Variants in SPTY2D1 observed in about 807,000 individuals in gnomAD.
SPTY2D1 encodes the protein SPT2 chromatin protein domain containing 1, also known as protein SPT2 homolog.
In SPTY2D1, 21 loss-of-function variants were observed where a neutral mutation model predicts 64.0. The ratio of observed to expected loss-of-function variants is 0.33; its 90% confidence interval spans 0.23 to 0.47. The LOEUF (loss-of-function observed/expected upper bound fraction) is 0.47, where lower values mean the gene tolerates loss of function less well. Among genes scored for constraint, SPTY2D1 ranks in the 20% least tolerant of loss-of-function variants. The probability of loss-of-function intolerance (pLI) is 1.00; values close to 1 mark genes in which losing one functional copy is unlikely to be tolerated. For synonymous variants in SPTY2D1, 287 were observed against 286.8 expected, an observed-to-expected ratio of 1.00 and a Z score of -0.01; for missense variants, 724 against 837.2, an observed-to-expected ratio of 0.86 and a Z score of 1.67.
rs71050616 is a variant in SPTY2D1, at chr11:18,617,625, CAAAAAAA to C, written c.61-643_61-637del. ...CGGGCGACAAAGTAAGACTCCGTCT[CAAAAAAA>C]AAAAAAAAAAAAAAAAAATCTGATT... On this transcript the variant is annotated intron_variant, in intron 1 of 5. Transcript: ENST00000336349. Among the ~76,000 whole-genome samples, 9 of 66,356 alleles carry C rather than the reference CAAAAAAA, an allele frequency of 1.4e-4. No individual in the cohort carries two copies. In the East Asian group the frequency reaches 3.0e-3, roughly 22 times the overall value. The allele number at this position is 66,356 out of a possible 152,430, so 43.5% of individuals were successfully genotyped here. A position where few individuals can be genotyped will look rare whatever the true frequency, so the allele number is the denominator to read the frequency against.
In SPTY2D1 at chr11:18,609,708, T is replaced by C. The variant is rs568133173; in HGVS notation, c.*153A>G. 12 of 645,968 alleles carry C rather than the reference T, an allele frequency of 1.9e-5. No homozygotes were observed. In the South Asian group the frequency reaches 2.1e-4, roughly 11 times the overall value. The allele number at this position is 645,968 out of a possible 1,614,324, so 40.0% of individuals were successfully genotyped here. ...CTGGAAAATATCTGAAAATATTTTA[T>C]GCTCAAATGACAGCCTGCAAATGAC... On this transcript the variant is annotated 3_prime_UTR_variant, in exon 6 of 6. Coordinates refer to ENST00000336349, the MANE Select transcript of SPTY2D1 (RefSeq NM_194285.3).
chr11:18,612,136 G>A lies in SPTY2D1; in HGVS notation c.1886+178C>T, dbSNP rs1854216211. The stretch of plus-strand genomic sequence containing the variant: ...TGCAAATAACTACAGAAACTATTTT[G>A]AATTAAATATAAAATATTTAGTGCT... On this transcript the variant is annotated intron_variant, in intron 4 of 5. Coordinates refer to ENST00000336349, the MANE Select transcript of SPTY2D1 (RefSeq NM_194285.3). The surrounding 1 kb of genome is among the most constrained non-coding windows in gnomAD (Gnocchi z 4.6). The A allele has an allele frequency of 2.1e-5, 9 of 430,072 alleles. No individual in the cohort carries two copies. The highest frequency in any genetic ancestry group is 3.2e-5 in the Non-Finnish European group (8 of 250,130). 26.6% of individuals were successfully genotyped at this position (430,072 alleles called of 1,614,324 possible).
At chr11:18,625,479 G>A (rs117795947) in intron 1 of SPTY2D1, among the ~76,000 whole-genome samples, 176 of 152,154 alleles carry the variant, frequency 1.2e-3, no homozygotes, top group Non-Finnish European at 2.2e-3. Flanking sequence ...GCAATCACAC[G>A]GTTTATAGCA....
At chr11:18,621,460 GAAT>G in intron 1 of SPTY2D1, among the ~76,000 whole-genome samples, 1 of 152,208 alleles carries the variant, frequency 6.6e-6, no homozygotes. Context: ...GCTTTGAAAA[GAAT>G]AACAAAGGCT....
chr11:18,615,260 C>T lies in SPTY2D1; in HGVS notation c.1014G>A (p.Glu338=). ...GGGACAGAGATTTTTTGGCTTTGTG[C>T]TCAACAGCAGATTTCTGAGTCCTGC... ...SASRTQKSAV[E]HKAKKSLSHP... is the part of the protein sequence containing the mutation. The change falls in exon 3 of 6, where the codon GAG becomes GAA. Residue 338 remains glutamate, a synonymous_variant. Coordinates refer to ENST00000336349, the MANE Select transcript of SPTY2D1 (RefSeq NM_194285.3). 1 of 1,614,184 alleles carries T rather than the reference C, an allele frequency of 6.2e-7. No individual in the cohort carries two copies. Among genetic ancestry groups the T allele is most frequent in the East Asian group, 2.2e-5 (1 of 44,884 alleles).
At chr11:18,616,760 C>T in intron 2 of SPTY2D1, 115 bp downstream of exon 2, 3 of 868,908 alleles carry the variant, frequency 3.5e-6, no homozygotes, top group Middle Eastern at 2.7e-4. Context: ...CACACACACA[C>T]ACCCTCCCAA....
At chr11:18,627,527 G>A (rs2134117673) in intron 1 of SPTY2D1, among the ~76,000 whole-genome samples, 1 of 152,142 alleles carries the variant, frequency 6.6e-6, no homozygotes. Context: ...TGGATCACTT[G>A]AGGTCAGGAG....
Position 18,634,234 on chromosome 11 carries a change from C to T in SPTY2D1, c.24G>A (p.Met8Ile), listed in dbSNP as rs1330080986. Residue 8 changes from methionine to isoleucine, a missense_variant, in exon 1 of 6, where the codon ATG becomes ATA. Coordinates refer to ENST00000336349, the MANE Select transcript of SPTY2D1 (RefSeq NM_194285.3). ...TGACACCTTGTCCCTTGGAAGCTATCATGAGAATTTCTCTGAAGTCCATGT... is the reference window on the plus strand; with the variant it reads ...TGACACCTTGTCCCTTGGAAGCTATTATGAGAATTTCTCTGAAGTCCATGT... MDFREIL[M>I]IASKGQGVNN... 1.2e-6 allele frequency: 2 copies of T among 1,614,100 alleles called. No individual in the cohort carries two copies. The highest frequency in any genetic ancestry group is 1.7e-6 in the Non-Finnish European group (2 of 1,180,054).
intron 2 of SPTY2D1, 74 bp downstream of exon 2, chr11:18,616,801 G>T: frequency 7.1e-7 from 1 of 1,410,970 alleles, no homozygotes; most frequent in Non-Finnish European, 9.9e-7. Flanking sequence ...TTTATAGACA[G>T]CCACTGGTTT....
Position 18,616,717 on chromosome 11 carries a change from C to T in SPTY2D1, c.175+158G>A, listed in dbSNP as rs150755293. Among the ~76,000 whole-genome samples, 228 of 134,186 alleles carry T rather than the reference C, an allele frequency of 1.7e-3. 1 individual carries two copies. Among genetic ancestry groups the T allele is most frequent in the Non-Finnish European group, 3.1e-3 (199 of 63,616 alleles). The allele number at this position is 134,186 out of a possible 152,430, so 88.0% of individuals were successfully genotyped here. ...GGTAACATATGTAAAGCCATGAATA[C>T]AGTCAGTTAACCTGGACACACACAC... On this transcript the variant is annotated intron_variant, in intron 2 of 5. Coordinates refer to ENST00000336349, the MANE Select transcript of SPTY2D1 (RefSeq NM_194285.3).
chr11:18,630,998 C>G (rs1854578125), intron 1 of SPTY2D1, among the ~76,000 whole-genome samples: 1 of 152,076 alleles, frequency 6.6e-6, no homozygotes, highest in South Asian at 2.1e-4. Context: ...CCCACCATGC[C>G]TGGCTAATTT....
intron 1 of SPTY2D1, among the ~76,000 whole-genome samples, chr11:18,619,456 TAAAA>T (rs562811444): frequency 8.7e-6 from 1 of 114,620 alleles, no homozygotes. Flanking sequence ...CTCATCTCTT[TAAAA>T]AAAAAAAAAA....
At position 18,612,025 on chromosome 11, in the gene SPTY2D1, ACTT is replaced by A. The variant is rs1269807954; in HGVS notation, c.1886+286_1886+288del. On this transcript the variant is annotated intron_variant, in intron 4 of 5. Transcript: ENST00000336349. This position sits in a 1 kb window ranked among gnomAD's most constrained non-coding sequence, Gnocchi z 4.6. ...AGCTTGTTTTTTCAAGAGCCAATCTACTTCTACTACACTAAGCTGCTTCCATCT... is the reference window on the plus strand; with the variant it reads ...AGCTTGTTTTTTCAAGAGCCAATCTACTACTACACTAAGCTGCTTCCATCT... 8.2e-6 allele frequency: 2 copies of A among 245,320 alleles called. No individual in the cohort carries two copies. Among genetic ancestry groups the A allele is most frequent in the African/African-American group, 2.2e-5 (1 of 44,654 alleles). 15.2% of individuals were successfully genotyped at this position (245,320 alleles called of 1,614,324 possible).
chr11:18,633,663 C>T (rs1227029905), intron 1 of SPTY2D1, among the ~76,000 whole-genome samples: 2 of 152,164 alleles, frequency 1.3e-5, no homozygotes, highest in Non-Finnish European at 2.9e-5. Context: ...TGATACCTAT[C>T]CCCTGGGAGG....
chr11:18,616,423 AT>A (rs1357229594), intron 2 of SPTY2D1, among the ~76,000 whole-genome samples: 1 of 152,232 alleles, frequency 6.6e-6, no homozygotes, highest in Non-Finnish European at 1.5e-5. Context: ...ACTTAAACAT[AT>A]TGAATCAGTT....
intron 1 of SPTY2D1, among the ~76,000 whole-genome samples, chr11:18,620,886 C>CG (rs1491343230): frequency 2.2e-4 from 27 of 122,042 alleles, no homozygotes; most frequent in African/African-American, 7.4e-4. Flanking sequence ...GACTCTATCT[C>CG]AAAAAAAAAA....
chr11:18,627,534 G>A (rs939297098), intron 1 of SPTY2D1, among the ~76,000 whole-genome samples: 5 of 152,012 alleles, frequency 3.3e-5, no homozygotes, highest in Non-Finnish European at 4.4e-5. Context: ...CTTGAGGTCA[G>A]GAGTCCAAGA....
chr11:18,614,814 C>T lies in SPTY2D1; in HGVS notation c.1460G>A (p.Arg487Gln), dbSNP rs147435661. 185 of 1,613,000 alleles carry T rather than the reference C, an allele frequency of 1.1e-4. No individual in the cohort carries two copies. The highest frequency in any genetic ancestry group is 2.8e-4 in the African/African-American group (21 of 75,058). Residue 487 changes from arginine to glutamine, a missense_variant, in exon 3 of 6, where the codon CGG (arginine) becomes CAG (glutamine). Coordinates refer to ENST00000336349, the MANE Select transcript of SPTY2D1 (RefSeq NM_194285.3). Reference sequence around the variant, plus strand: ...GGATCTCCCAGGGCCACTGACAGACCGCCCCGGGGGGCCCAAGCCACTCAC... The same window carrying T: ...GGATCTCCCAGGGCCACTGACAGACTGCCCCGGGGGGCCCAAGCCACTCAC... ...RPVSGLGPPG[R>Q]SVSGPGRSIS... is the part of the protein sequence containing the mutation.
chr11:18,627,159 T>C (rs983688804), intron 1 of SPTY2D1, among the ~76,000 whole-genome samples: 10 of 149,684 alleles, frequency 6.7e-5, no homozygotes, highest in African/African-American at 2.5e-4. Context: ...ATGTCTATAA[T>C]CCCAGCACTT....
Sources: gnomAD v4.1 joint callset for allele counts (sites outside exome capture counted in the v4.1 genomes callset) on GRCh38, gnomAD v4.1.1 for gene constraint, Gnocchi (gnomAD v3.1) non-coding constraint, MANE v1.5 for transcripts, NCBI Gene and HGNC (gene_info 2026-07-23, HGNC 2026-07-21) for gene names.